Variants in PTPRG observed in about 807,000 individuals in gnomAD.
PTPRG encodes the protein receptor-type tyrosine-protein phosphatase gamma.
PTPRG carries 102 observed loss-of-function variants against 165.3 expected under a neutral mutation model. That is an observed-to-expected ratio of 0.62 (90% CI 0.53 to 0.73). The LOEUF is 0.73. Among genes scored for constraint, PTPRG ranks in the 30% least tolerant of loss-of-function variants. The pLI is 0.00. For missense variants in PTPRG, 1,866 were observed against 1,861.4 expected, an observed-to-expected ratio of 1.00 and a Z score of -0.05; for synonymous variants, 675 against 669.5, an observed-to-expected ratio of 1.01 and a Z score of -0.13.
intron 2 of PTPRG, among the ~76,000 whole-genome samples, chr3:61,931,803 AT>A (rs976412710): frequency 5.9e-5 from 9 of 152,162 alleles, no homozygotes; most frequent in African/African-American, 2.2e-4. Context: ...ATCATTTTTC[AT>A]TGTCTGATCC....
chr3:61,835,386 T>G (rs970148631), intron 2 of PTPRG, among the ~76,000 whole-genome samples: 2 of 152,056 alleles, frequency 1.3e-5, no homozygotes, highest in East Asian at 3.9e-4. Context: ...CAGGCTGGAG[T>G]GCAGTGGTGC....
intron 6 of PTPRG, among the ~76,000 whole-genome samples, chr3:62,150,005 C>A (rs191530759): frequency 1.3e-5 from 2 of 152,338 alleles, no homozygotes; most frequent in East Asian, 3.9e-4. Context: ...GTGTTCTTCT[C>A]CCCATGTAGC....
At chr3:62,161,220 C>T (rs930744716) in intron 7 of PTPRG, among the ~76,000 whole-genome samples, 2 of 151,950 alleles carry the variant, frequency 1.3e-5, no homozygotes, top group African/African-American at 4.8e-5. Context: ...AGATATTAGG[C>T]GTTGTTGTTG....
chr3:61,668,036 A>G (rs1296709731), intron 1 of PTPRG, among the ~76,000 whole-genome samples: 1 of 152,206 alleles, frequency 6.6e-6, no homozygotes, highest in Non-Finnish European at 1.5e-5. Context: ...TCTTGCTACA[A>G]CAGTAGAAAT....
chr3:61,767,416 C>G (rs2107003093), intron 2 of PTPRG, among the ~76,000 whole-genome samples: 1 of 152,084 alleles, frequency 6.6e-6, no homozygotes, highest in African/African-American at 2.4e-5. Context: ...TAGACAAATC[C>G]AAAATGCATA....
chr3:62,023,668 T>C (rs1013348432), intron 4 of PTPRG, among the ~76,000 whole-genome samples: 2 of 152,180 alleles, frequency 1.3e-5, no homozygotes, highest in African/African-American at 4.8e-5. Context: ...ACATCTGCCT[T>C]TATTACGGAT....
At chr3:62,056,518 C>T (rs1231255473) in intron 4 of PTPRG, among the ~76,000 whole-genome samples, 1 of 152,030 alleles carries the variant, frequency 6.6e-6, no homozygotes, top group Non-Finnish European at 1.5e-5. Flanking sequence ...GATTGGACAC[C>T]CCTGGTCTAA....
At chr3:61,609,683 C>T (rs758948838) in intron 1 of PTPRG, among the ~76,000 whole-genome samples, 12 of 151,918 alleles carry the variant, frequency 7.9e-5, no homozygotes, top group Middle Eastern at 3.4e-3. Flanking sequence ...ACGGCAAAAC[C>T]GCCCTCTACA....
chr3:62,221,237 C>T (rs988317785), intron 13 of PTPRG, among the ~76,000 whole-genome samples: 1 of 152,070 alleles, frequency 6.6e-6, no homozygotes, highest in African/African-American at 2.4e-5. Context: ...GTTTATTATA[C>T]ATGTATGCAT....
At chr3:62,202,522 A>T (rs1430693677) in intron 11 of PTPRG, among the ~76,000 whole-genome samples, 2 of 152,196 alleles carry the variant, frequency 1.3e-5, no homozygotes, top group African/African-American at 4.8e-5. Context: ...TTTCCCACGG[A>T]TCAACTTAGA....
chr3:62,063,252 G>T (rs974168989), intron 4 of PTPRG, among the ~76,000 whole-genome samples: 1 of 152,170 alleles, frequency 6.6e-6, no homozygotes, highest in East Asian at 1.9e-4. Flanking sequence ...ATTTTCCAGA[G>T]AATTGATAGA....
intron 1 of PTPRG, among the ~76,000 whole-genome samples, chr3:61,589,993 C>A (rs2106819224): frequency 6.6e-6 from 1 of 152,156 alleles, no homozygotes; most frequent in Non-Finnish European, 1.5e-5. Flanking sequence ...AGAGATGATG[C>A]TAGGAGCCAG....
chr3:61,983,318 T>G (rs1445980267), intron 2 of PTPRG, among the ~76,000 whole-genome samples: 2 of 152,124 alleles, frequency 1.3e-5, no homozygotes, highest in African/African-American at 4.8e-5. Flanking sequence ...TAAAAAGCAT[T>G]AATTATAATA....
intron 7 of PTPRG, among the ~76,000 whole-genome samples, chr3:62,166,194 GTTCTTTT>G (rs1559592117): frequency 1.0e-4 from 2 of 19,378 alleles, no homozygotes; most frequent in African/African-American, 1.7e-4. Flanking sequence ...TCAAATTACA[GTTCTTTT>G]TTTTTTTTTT....
intron 2 of PTPRG, among the ~76,000 whole-genome samples, chr3:61,958,881 G>A (rs2040091169): frequency 6.6e-6 from 1 of 152,186 alleles, no homozygotes; most frequent in African/African-American, 2.4e-5. Flanking sequence ...TTTAGGCAAA[G>A]GCAGGAGGTT....
At chr3:61,832,433 T>A (rs935148742) in intron 2 of PTPRG, among the ~76,000 whole-genome samples, 3 of 151,978 alleles carry the variant, frequency 2.0e-5, no homozygotes, top group Non-Finnish European at 4.4e-5. Flanking sequence ...GCATAGAGAG[T>A]GGGTAAGCAT....
At chr3:61,856,371 ATT>A (rs1403582012) in intron 2 of PTPRG, among the ~76,000 whole-genome samples, 1 of 152,240 alleles carries the variant, frequency 6.6e-6, no homozygotes, top group East Asian at 1.9e-4. Flanking sequence ...TTTACAAGGT[ATT>A]TTAGAAATTA....
chr3:61,990,723 A>C (rs1385460373), intron 3 of PTPRG, among the ~76,000 whole-genome samples: 1 of 152,120 alleles, frequency 6.6e-6, no homozygotes, highest in Non-Finnish European at 1.5e-5. Flanking sequence ...CCATTAAAGC[A>C]AGTTTTTTTT....
intron 1 of PTPRG, among the ~76,000 whole-genome samples, chr3:61,655,846 C>T (rs1366656749): frequency 3.3e-5 from 5 of 152,148 alleles, no homozygotes; most frequent in African/African-American, 4.8e-5. Flanking sequence ...GGTCTCAAGC[C>T]ATTCTCCTGT....
Sources: allele counts gnomAD v4.1 joint callset (sites outside exome capture counted in the v4.1 genomes callset), GRCh38; gene constraint gnomAD v4.1.1; transcripts MANE v1.5; gene names NCBI Gene and HGNC (gene_info 2026-07-23, HGNC 2026-07-21).